Variants in PKD1L1 observed in about 807,000 individuals in gnomAD.
PKD1L1 encodes polycystin 1 like 1, transient receptor potential channel interacting, also known as polycystin-1-like protein 1.
PKD1L1 carries 236 observed loss-of-function variants against 323.4 expected under a neutral mutation model. That is an observed-to-expected ratio of 0.73 (90% CI 0.66 to 0.81). The LOEUF (loss-of-function observed/expected upper bound fraction) is 0.81, where lower values mean the gene tolerates loss of function less well. Ranked by LOEUF, PKD1L1 falls within the 40% of genes least tolerant of loss-of-function variation. PKD1L1 has a pLI of 0.00. For synonymous variants in PKD1L1, 1,344 were observed against 1,335.0 expected (o/e 1.01, Z -0.15); for missense variants, 3,320 against 3,508.0 (o/e 0.95, Z 1.35).
chr7:47,810,170 T>G (rs1242101649), intron 50 of PKD1L1, among the ~76,000 whole-genome samples: 1 of 152,218 alleles, frequency 6.6e-6, no homozygotes, highest in Non-Finnish European at 1.5e-5. Flanking sequence ...ATGCATCTTC[T>G]CTGTCCTCTG....
chr7:47,907,962 G>T, intron 9 of PKD1L1, 115 bp downstream of exon 9: 1 of 977,190 alleles, frequency 1.0e-6, no homozygotes, highest in Non-Finnish European at 1.4e-6. Context: ...AATGAATGAA[G>T]GATGTTGTAT....
At chr7:47,893,670 A>C (rs868111845) in intron 15 of PKD1L1, among the ~76,000 whole-genome samples, 12 of 152,332 alleles carry the variant, frequency 7.9e-5, no homozygotes, top group Middle Eastern at 3.4e-3. Flanking sequence ...TCACTCTTTA[A>C]ACACCACCTT....
In PKD1L1 at chr7:47,814,025, A is replaced by T; in HGVS notation, c.7090-11T>A. On this transcript the variant is annotated splice_polypyrimidine_tract_variant and intron_variant, in intron 47 of 56. Coordinates refer to ENST00000289672, the MANE Select transcript of PKD1L1 (RefSeq NM_138295.5). ...TCCAAGAGCTCCAGGCTGAAAGGAG[A>T]AAAAAGATGATGAGGACTGGGTGTG... 1 of 1,611,142 alleles carries T rather than the reference A, an allele frequency of 6.2e-7. No individual in the cohort carries two copies. The highest frequency in any genetic ancestry group is 2.2e-5 in the East Asian group (1 of 44,866).
chr7:47,930,369 G>C (rs1236599281), intron 6 of PKD1L1, among the ~76,000 whole-genome samples: 2 of 152,098 alleles, frequency 1.3e-5, no homozygotes, highest in Admixed American at 1.3e-4. Context: ...GCCGGGCATG[G>C]TGGCAGGTGA....
Position 47,930,547 on chromosome 7 carries a change from G to A in PKD1L1, c.737+557C>T, listed in dbSNP as rs569195682. 3.6e-4 allele frequency among the ~76,000 whole-genome samples: 19 copies of A among 53,380 alleles called. No homozygotes were observed. In the East Asian group the frequency reaches 0.021, roughly 59 times the overall value. 35.0% of individuals were successfully genotyped at this position (53,380 alleles called of 152,430 possible). A position where few individuals can be genotyped will look rare whatever the true frequency, so the allele number is the denominator to read the frequency against. ...AAATACACACAGTCGGCCGGGTGCA[G>A]TGGCTCATGCCTGAATCCCAGCACT... On this transcript the variant is annotated intron_variant, in intron 6 of 56. Coordinates refer to ENST00000289672, the MANE Select transcript of PKD1L1 (RefSeq NM_138295.5).
chr7:47,813,014 C>A (rs1784933820), intron 49 of PKD1L1, 107 bp downstream of exon 49: 1 of 1,378,878 alleles, frequency 7.3e-7, no homozygotes, highest in Non-Finnish European at 9.9e-7. Context: ...ACCTCGCAGG[C>A]CTGTCAGGAG....
At chr7:47,942,085 T>C (rs1449556824) in intron 2 of PKD1L1, among the ~76,000 whole-genome samples, 3 of 152,194 alleles carry the variant, frequency 2.0e-5, no homozygotes, top group African/African-American at 7.2e-5. Context: ...ACCCACCAGA[T>C]CCCTGCATCC....
intron 15 of PKD1L1, 102 bp from the exon 16 acceptor site, chr7:47,890,865 G>A (rs1786801157): frequency 1.0e-6 from 1 of 973,576 alleles, no homozygotes; most frequent in East Asian, 2.6e-5. Context: ...GGGACCACAG[G>A]GGACACGTGC....
rs1787113029 is a variant in PKD1L1 at position 47,902,459 on chromosome 7, T to A, written c.1984A>T (p.Thr662Ser). ...VLAFNNVSASTLRQQLFIVCE... is the reference protein window; with the variant it reads ...VLAFNNVSASSLRQQLFIVCE... ...ACGATGAAAAGTTGCTGTCTTAGAG[T>A]GGAGGCACTGACATTATTGAAGGCA... Residue 662 changes from threonine to serine, a missense_variant, in exon 13 of 57, where the codon ACT (threonine) becomes TCT (serine). By Grantham distance (58) the Thr-to-Ser change is moderately conservative (BLOSUM62 1). Coordinates refer to ENST00000289672, the MANE Select transcript of PKD1L1 (RefSeq NM_138295.5). The A allele has an allele frequency of 1.2e-6, 2 of 1,613,866 alleles. No homozygotes were observed. The highest frequency in any genetic ancestry group is 8.5e-7 in the Non-Finnish European group (1 of 1,179,954).
At chr7:47,926,241 C>A (rs530493539) in intron 7 of PKD1L1, among the ~76,000 whole-genome samples, 39 of 152,348 alleles carry the variant, frequency 2.6e-4, no homozygotes, top group African/African-American at 8.7e-4. Flanking sequence ...TCTTCACCAC[C>A]ACTTATTTTC....
intron 52 of PKD1L1, among the ~76,000 whole-genome samples, chr7:47,804,477 T>TTA (rs1784734398): frequency 6.8e-6 from 1 of 146,462 alleles, no homozygotes; most frequent in Non-Finnish European, 1.5e-5. Context: ...TAATTTTTTT[T>TTA]TTTTTTTTTT....
At chr7:47,960,648 C>T in the PKD1L1 span, among the ~76,000 whole-genome samples, 1 of 141,884 alleles carries the variant, frequency 7.0e-6, no homozygotes, top group Admixed American at 7.0e-5. Context: ...GTTTCCTGAA[C>T]AATAAGATGT....
chr7:47,895,394 C>G (rs1344496226), intron 14 of PKD1L1, among the ~76,000 whole-genome samples: 1 of 152,164 alleles, frequency 6.6e-6, no homozygotes, highest in Non-Finnish European at 1.5e-5. Flanking sequence ...TTAAAAATTA[C>G]GTAGTTTATA....
chr7:47,930,868 T>C lies in PKD1L1; in HGVS notation c.737+236A>G, dbSNP rs564337335. Among the ~76,000 whole-genome samples, 18 of 152,268 alleles carry C rather than the reference T, an allele frequency of 1.2e-4. No individual in the cohort carries two copies. The South Asian group carries it at 3.7e-3, about 32-fold the overall frequency. On this transcript the variant is annotated intron_variant, in intron 6 of 56. Transcript: ENST00000289672. ...AAATATACACAGTCAGACAAAGCTTTAGTCTCAGTATGTGATTGATGGGAA... is the reference window on the plus strand; with the variant it reads ...AAATATACACAGTCAGACAAAGCTTCAGTCTCAGTATGTGATTGATGGGAA...
At chr7:47,881,081 CTTATT>C (rs1449358411) in intron 20 of PKD1L1, among the ~76,000 whole-genome samples, 1 of 151,836 alleles carries the variant, frequency 6.6e-6, no homozygotes, top group African/African-American at 2.4e-5. Flanking sequence ...CTGTTAGGAT[CTTATT>C]TTATATGTTT....
intron 24 of PKD1L1, among the ~76,000 whole-genome samples, chr7:47,872,571 T>C (rs368240010): frequency 6.6e-6 from 1 of 152,212 alleles, no homozygotes; most frequent in East Asian, 1.9e-4. Context: ...AAGGAAGATA[T>C]ACAAAGCATA....
intron 3 of PKD1L1, among the ~76,000 whole-genome samples, chr7:47,938,721 G>C (rs1787919300): frequency 6.6e-6 from 1 of 152,102 alleles, no homozygotes; most frequent in Admixed American, 6.5e-5. Flanking sequence ...CAAGCCCTTT[G>C]GGACATGATG....
intron 2 of PKD1L1, among the ~76,000 whole-genome samples, chr7:47,941,988 G>A (rs1275742283): frequency 6.6e-6 from 1 of 152,104 alleles, no homozygotes; most frequent in Non-Finnish European, 1.5e-5. Context: ...GAATAAACAT[G>A]GAAACTGACT....
the PKD1L1 span, among the ~76,000 whole-genome samples, chr7:47,959,096 T>C: frequency 6.6e-6 from 1 of 152,366 alleles, no homozygotes; most frequent in African/African-American, 2.4e-5. Flanking sequence ...GGTGCCGGGA[T>C]TGCAGATGGA....
Sources: gnomAD v4.1 joint callset for allele counts (sites outside exome capture counted in the v4.1 genomes callset) on GRCh38, gnomAD v4.1.1 for gene constraint, MANE v1.5 for transcripts, NCBI Gene and HGNC (gene_info 2026-07-23, HGNC 2026-07-21) for gene names.